AGO4: variants seen among roughly 807,000 people sequenced by gnomAD.
The protein encoded by AGO4 is protein argonaute-4.
A neutral mutation model predicts 104.7 loss-of-function variants in AGO4; 33 were observed. That is an observed-to-expected ratio of 0.32 (90% CI 0.24 to 0.42). The LOEUF is 0.42. Ranked by LOEUF, AGO4 falls within the 10% of genes least tolerant of loss-of-function variation. The pLI, the probability that AGO4 is intolerant of heterozygous loss-of-function variation, is 1.00. For synonymous variants in AGO4, 331 were observed against 364.7 expected (o/e 0.91, Z 1.05); for missense variants, 711 against 1,083.4 (o/e 0.66, Z 4.83).
chr1:35,823,609 G>A (rs889747229), intron 3 of AGO4, among the ~76,000 whole-genome samples: 27 of 151,928 alleles, frequency 1.8e-4, no homozygotes, highest in African/African-American at 6.5e-4. Flanking sequence ...TATTTTATTA[G>A]TAGAAATGGG....
chr1:35,848,440 T>C (rs929138646), intron 15 of AGO4, among the ~76,000 whole-genome samples: 5 of 84,088 alleles, frequency 5.9e-5, no homozygotes, highest in Non-Finnish European at 2.2e-4. Flanking sequence ...TGTTACAGTT[T>C]ATTGTATACA....
chr1:35,825,178 G>A, intron 3 of AGO4, 135 bp from the exon 4 acceptor site: 1 of 836,484 alleles, frequency 1.2e-6, no homozygotes, highest in East Asian at 2.6e-5. Flanking sequence ...ACACTAAGTT[G>A]TTTCCAATGT....
chr1:35,841,812 A>ATG lies in AGO4; in HGVS notation c.2175+63_2175+64insGT. On this transcript the variant is annotated intron_variant, in intron 15 of 17. Transcript: ENST00000373210. The surrounding 1 kb of genome is among the most constrained non-coding windows in gnomAD (Gnocchi z 4.7). ...TCTGGCAAGAGATGTATATATGCACATATATATATATATATATATATATAT... is the reference window on the plus strand; with the variant it reads ...TCTGGCAAGAGATGTATATATGCACATGTATATATATATATATATATATATAT... The ATG allele has an allele frequency of 3.0e-4, 2 of 6,660 alleles. No individual in the cohort carries two copies. Among genetic ancestry groups the ATG allele is most frequent in the Non-Finnish European group, 2.0e-4 (1 of 4,882 alleles). 0.4% of individuals were successfully genotyped at this position (6,660 alleles called of 1,614,324 possible).
At chr1:35,814,341 A>G (rs1643618856) in intron 1 of AGO4, among the ~76,000 whole-genome samples, 1 of 152,046 alleles carries the variant, frequency 6.6e-6, no homozygotes, top group Non-Finnish European at 1.5e-5. Context: ...ACTTTAGGAT[A>G]CATATGCAGA....
In AGO4 at chr1:35,830,065, G is replaced by A. The variant is rs568948239; in HGVS notation, c.849-1362G>A. On this transcript the variant is annotated intron_variant, in intron 7 of 17. Transcript: ENST00000373210. ...AGGCTGAGGTGGGAGAATTGCTTGAGCCCAAGTGGTGGAGGTTTCAGTAAG... is the reference window on the plus strand; with the variant it reads ...AGGCTGAGGTGGGAGAATTGCTTGAACCCAAGTGGTGGAGGTTTCAGTAAG... Among the ~76,000 whole-genome samples the A allele has an allele frequency of 3.2e-4, 48 of 149,258 alleles. 1 individual carries two copies. The highest frequency in any genetic ancestry group is 1.1e-3 in the African/African-American group (46 of 40,330).
chr1:35,831,515 C>A lies in AGO4; in HGVS notation c.937C>A (p.Pro313Thr). The A allele has an allele frequency of 6.2e-7, 1 of 1,613,990 alleles. No homozygotes were observed. Among genetic ancestry groups the A allele is most frequent in the Non-Finnish European group, 8.5e-7 (1 of 1,179,994 alleles). Residue 313 changes from proline (P) to threonine (T), a missense_variant, in exon 8 of 18, where the codon CCC (proline) becomes ACC (threonine). By Grantham distance (38) the Pro-to-Thr change is conservative. Coordinates refer to ENST00000373210, the MANE Select transcript of AGO4 (RefSeq NM_017629.4). Reference protein sequence around the residue: ...KQKYSLQLKYPHLPCLQVGQE... With the variant: ...KQKYSLQLKYTHLPCLQVGQE... ...AAAGTATAGTCTGCAACTGAAATAC[C>A]CCCATCTTCCCTGTCTCCAAGTGGG...
chr1:35,853,613 A>C lies in AGO4; in HGVS notation c.*8A>C. ...ACGATGTATTTTGCCTGAGAGTCTC[A>C]GAAAAAGAACTCAACCAATTTGGCA... is the stretch of plus-strand genomic sequence containing the variant. On this transcript the variant is annotated 3_prime_UTR_variant, in exon 18 of 18. Transcript: ENST00000373210. 1 of 1,613,192 alleles carries C rather than the reference A, an allele frequency of 6.2e-7. No homozygotes were observed. Among genetic ancestry groups the C allele is most frequent in the Non-Finnish European group, 8.5e-7 (1 of 1,179,440 alleles).
intron 2 of AGO4, 43 bp downstream of exon 2, chr1:35,817,090 A>G (rs753658594): frequency 1.3e-6 from 2 of 1,521,586 alleles, no homozygotes; most frequent in Admixed American, 4.0e-5. Context: ...TTAAGTGCAT[A>G]TAATTTATTT....
intron 3 of AGO4, among the ~76,000 whole-genome samples, chr1:35,824,555 G>C (rs1251588352): frequency 3.3e-5 from 5 of 151,352 alleles, no homozygotes; most frequent in Non-Finnish European, 7.4e-5. Flanking sequence ...TCCCAGTGCT[G>C]TGGGAGATCG....
rs1334285931 is a variant in AGO4, at chr1:35,855,909, C to G, written c.*2304C>G. 6.6e-6 allele frequency: 1 copy of G among 152,280 alleles called. No individual in the cohort carries two copies. The highest frequency in any genetic ancestry group is 1.5e-5 in the Non-Finnish European group (1 of 68,078). 9.4% of individuals were successfully genotyped at this position (152,280 alleles called of 1,614,324 possible). A position where few individuals can be genotyped will look rare whatever the true frequency, so the allele number is the denominator to read the frequency against. ...GGCTGGCCAGCGGGCACCACACCTG[C>G]ACTTGAGTGCCTCGGGCTTGCTTAT... On this transcript the variant is annotated 3_prime_UTR_variant, in exon 18 of 18. Coordinates refer to ENST00000373210, the MANE Select transcript of AGO4 (RefSeq NM_017629.4).
At chr1:35,828,767 C>T (rs568387152) in intron 7 of AGO4, among the ~76,000 whole-genome samples, 364 of 152,180 alleles carry the variant, frequency 2.4e-3, no homozygotes, top group Non-Finnish European at 3.7e-3. Context: ...GCAATCCACC[C>T]GCCTCGGCCT....
chr1:35,822,051 A>G (rs1268791619), intron 2 of AGO4, among the ~76,000 whole-genome samples: 2 of 151,184 alleles, frequency 1.3e-5, no homozygotes, highest in Non-Finnish European at 3.0e-5. Flanking sequence ...TAAGTTTTCT[A>G]TTTTTTTTAG....
chr1:35,811,896 C>T (rs1037674556), intron 1 of AGO4, among the ~76,000 whole-genome samples: 2 of 152,198 alleles, frequency 1.3e-5, no homozygotes, highest in East Asian at 3.9e-4. Context: ...CTGCACCCAG[C>T]CTTTATGTTA....
rs1205447580 is a variant in AGO4 at position 35,816,912 on chromosome 1, G to A, written c.50G>A (p.Arg17His). The change falls in exon 2 of 18, where the codon CGT (arginine) becomes CAT (histidine). Residue 17 changes from arginine to histidine, a missense_variant. Physicochemically the swap from Arg to His is conservative, Grantham distance 29. Around this residue, in one of 3 missense-constraint regions of AGO4, gnomAD observed 308 missense variants for 397.8 expected, o/e 0.77. Coordinates refer to ENST00000373210, the MANE Select transcript of AGO4 (RefSeq NM_017629.4). ...GPPASLFQPP[R>H]RPGLGTVGKP... The stretch of plus-strand genomic sequence containing the variant: ...CCGGCTAGCCTGTTTCAGCCACCTC[G>A]TCGTCCTGGCCTTGGAACTGTTGGA... 4.3e-6 allele frequency: 7 copies of A among 1,612,562 alleles called. No individual in the cohort carries two copies. Among genetic ancestry groups the A allele is most frequent in the Middle Eastern group, 1.6e-4 (1 of 6,070 alleles).
At chr1:35,832,614 T>G in intron 11 of AGO4, 44 bp downstream of exon 11, 1 of 1,602,006 alleles carries the variant, frequency 6.2e-7, no homozygotes. Context: ...CCCTTCCAGA[T>G]ATGAAAATAC....
At chr1:35,837,691 T>G (rs1223039669) in intron 13 of AGO4, among the ~76,000 whole-genome samples, 1 of 152,148 alleles carries the variant, frequency 6.6e-6, no homozygotes, top group Non-Finnish European at 1.5e-5. Context: ...AAACATCTTC[T>G]TTTATAATGG....
chr1:35,833,877 T>G (rs1644243528), intron 11 of AGO4, 113 bp from the exon 12 acceptor site: 2 of 950,116 alleles, frequency 2.1e-6, no homozygotes, highest in Non-Finnish European at 2.8e-6. Flanking sequence ...GTTTACTTGT[T>G]TCTAAATTTG....
intron 17 of AGO4, among the ~76,000 whole-genome samples, chr1:35,851,739 T>G (rs1644705237): frequency 6.6e-6 from 1 of 152,230 alleles, no homozygotes; most frequent in Non-Finnish European, 1.5e-5. Flanking sequence ...AAATACACTA[T>G]TATGGAAAAT....
chr1:35,815,818 A>G (rs1340309427), intron 1 of AGO4, among the ~76,000 whole-genome samples: 1 of 152,178 alleles, frequency 6.6e-6, no homozygotes, highest in Non-Finnish European at 1.5e-5. Context: ...GTGACAACCA[A>G]AAATGTGTCC....
Sources: gnomAD v4.1 joint callset for allele counts (sites outside exome capture counted in the v4.1 genomes callset) on GRCh38, gnomAD v4.1.1 for gene constraint, gnomAD v4.1.1 regional missense constraint, Gnocchi (gnomAD v3.1) non-coding constraint, MANE v1.5 for transcripts, NCBI Gene and HGNC (gene_info 2026-07-23, HGNC 2026-07-21) for gene names.